EML2: variants seen among roughly 807,000 people sequenced by gnomAD.
The protein encoded by EML2 is EMAP like 2, also known as echinoderm microtubule-associated protein-like 2.
A neutral mutation model predicts 84.7 loss-of-function variants in EML2; 59 were observed. That is an observed-to-expected ratio of 0.70 (90% CI 0.56 to 0.86). EML2 has a LOEUF of 0.86. EML2 is among the 40% of genes least tolerant of loss of function. The pLI, the probability that EML2 is intolerant of heterozygous loss-of-function variation, is 0.00. For synonymous variants in EML2, 352 were observed against 348.9 expected (o/e 1.01, Z -0.10); for missense variants, 818 against 855.6 (o/e 0.96, Z 0.55).
rs754689467 is a variant in EML2 at position 45,619,041 on chromosome 19, C to T, written c.1254+19G>A. 2.5e-6 allele frequency: 4 copies of T among 1,587,158 alleles called. No individual in the cohort carries two copies. The East Asian group carries it at 9.0e-5, about 36-fold the overall frequency. On this transcript the variant is annotated intron_variant, in intron 12 of 18. Transcript: ENST00000245925. ...TAGTTCTGTTAGAATGGTGCTTTTC[C>T]AGTCCCCGGGCCCCTTACCTCGATG...
At chr19:45,618,115 G>A (rs373727619) in intron 12 of EML2, among the ~76,000 whole-genome samples, 92 of 151,990 alleles carry the variant, frequency 6.1e-4, no homozygotes, top group Middle Eastern at 3.4e-3. Flanking sequence ...CCAGGCTGGA[G>A]TGCAGTGGCA....
At chr19:45,637,725 G>A (rs1192182732) in intron 3 of EML2, among the ~76,000 whole-genome samples, 6 of 138,240 alleles carry the variant, frequency 4.3e-5, no homozygotes, top group Non-Finnish European at 9.1e-5. Flanking sequence ...GGCCCAGGCC[G>A]GAAAGCAGTG....
At chr19:45,616,379 G>C (rs562531317) in intron 15 of EML2, 82 bp downstream of exon 15, 1 of 1,043,480 alleles carries the variant, frequency 9.6e-7, no homozygotes, top group Non-Finnish European at 1.4e-6. Context: ...TTGAAGCTGC[G>C]CTCCCTTGAG....
chr19:45,613,533 G>T lies in EML2; in HGVS notation c.1824+8C>A. On this transcript the variant is annotated splice_region_variant and intron_variant, in intron 18 of 18. Coordinates refer to ENST00000245925, the MANE Select transcript of EML2 (RefSeq NM_012155.4). ...CCCCGTCCATCCCCATCTCCCCAAG[G>T]GACTCACTCGAGGCTGACAGCAGGG... 1 of 1,613,640 alleles carries T rather than the reference G, an allele frequency of 6.2e-7. No homozygotes were observed. The highest frequency in any genetic ancestry group is 8.5e-7 in the Non-Finnish European group (1 of 1,179,800).
Position 45,634,362 on chromosome 19 carries a change from T to A in EML2, c.289A>T (p.Arg97Trp). ...TTGTGTCCCAGGTAGTGTCGCTGCC[T>A]CTGCTCCTCCACGCTGTATAGCACG... The part of the protein sequence containing the change: ...VAVLYSVEEQ[R>W]QRHYLGHNDD... Residue 97 changes from arginine (R) to tryptophan (W), a missense_variant, in exon 4 of 19, where the codon AGG becomes TGG. Coordinates refer to ENST00000245925, the MANE Select transcript of EML2 (RefSeq NM_012155.4). The A allele has an allele frequency of 6.2e-7, 1 of 1,613,998 alleles. No homozygotes were observed. The highest frequency in any genetic ancestry group is 8.5e-7 in the Non-Finnish European group (1 of 1,179,954).
chr19:45,627,534 C>T (rs1235644589), intron 7 of EML2, among the ~76,000 whole-genome samples: 2 of 152,182 alleles, frequency 1.3e-5, no homozygotes, highest in Admixed American at 6.5e-5. Context: ...GGATTACAGG[C>T]GTGAGCCACC....
At chr19:45,619,293 C>A in intron 11 of EML2, 102 bp from the exon 12 acceptor site, 1 of 1,428,222 alleles carries the variant, frequency 7.0e-7, no homozygotes, top group East Asian at 2.5e-5. Context: ...GCAACTCACC[C>A]TGCCCCAGCG....
chr19:45,614,747 C>A, intron 16 of EML2, 47 bp from the exon 17 acceptor site: 3 of 1,457,626 alleles, frequency 2.1e-6, no homozygotes, highest in Non-Finnish European at 2.9e-6. Context: ...AAGAACTACC[C>A]AGTAAACCCA....
intron 18 of EML2, 125 bp from the exon 19 acceptor site, chr19:45,609,913 A>C (rs1044948915): frequency 2.6e-6 from 3 of 1,172,454 alleles, no homozygotes; most frequent in African/African-American, 1.6e-5. Flanking sequence ...AATCACTTAG[A>C]GTGAAGTCAC....
chr19:45,634,372 C>T lies in EML2; in HGVS notation c.279G>A (p.Val93=), dbSNP rs1210606232. 2 of 1,613,958 alleles carry T rather than the reference C, an allele frequency of 1.2e-6. No homozygotes were observed. Among genetic ancestry groups the T allele is most frequent in the Non-Finnish European group, 1.7e-6 (2 of 1,179,984 alleles). Reference sequence around the variant, plus strand: ...GGTAGTGTCGCTGCCTCTGCTCCTCCACGCTGTATAGCACGGCTACGGAGG... The same window carrying T: ...GGTAGTGTCGCTGCCTCTGCTCCTCTACGCTGTATAGCACGGCTACGGAGG... ...FVASVAVLYS[V]EEQRQRHYLG... is the part of the protein sequence containing the mutation. The change falls in exon 4 of 19, where the codon GTG becomes GTA. Residue 93 remains valine (V), a synonymous_variant. Transcript: ENST00000245925.
chr19:45,638,779 T>C, intron 2 of EML2, 66 bp downstream of exon 2: 2 of 1,603,870 alleles, frequency 1.2e-6, no homozygotes, highest in Non-Finnish European at 1.7e-6. Flanking sequence ...ACTCCTGACC[T>C]CTGGCTCCAG....
chr19:45,623,215 C>G (rs567452392), intron 9 of EML2, among the ~76,000 whole-genome samples: 1 of 151,740 alleles, frequency 6.6e-6, no homozygotes, highest in Non-Finnish European at 1.5e-5. Flanking sequence ...AAAAATTAGC[C>G]GGGTGTGGTG....
upstream of EML2, chr19:45,643,532 G>A: frequency 5.2e-6 from 8 of 1,535,436 alleles, no homozygotes; most frequent in Non-Finnish European, 7.0e-6. Context: ...GGGAGGGGCG[G>A]AGACCGAAGT....
chr19:45,609,829 GAC>G, intron 18 of EML2, 41 bp from the exon 19 acceptor site: 1 of 1,604,354 alleles, frequency 6.2e-7, no homozygotes, highest in Non-Finnish European at 8.5e-7. Flanking sequence ...TGTCAGTGGG[GAC>G]AATGCCACCC....
At chr19:45,644,417 A>G (rs1974873425), upstream of EML2, among the ~76,000 whole-genome samples, 1 of 152,134 alleles carries the variant, frequency 6.6e-6, no homozygotes, top group Non-Finnish European at 1.5e-5. Flanking sequence ...GTCCCCTGCC[A>G]ATTCCAGTGG....
chr19:45,644,683 TCCCC>T, upstream of EML2: 1 of 455,428 alleles, frequency 2.2e-6, no homozygotes, highest in South Asian at 1.5e-5. Context: ...CCCTCCCAAC[TCCCC>T]TCTTCTCCTA....
chr19:45,642,487 T>C (rs1467850559), upstream of EML2: 3 of 1,435,240 alleles, frequency 2.1e-6, no homozygotes, highest in African/African-American at 1.4e-5. Flanking sequence ...GCTGGGACAC[T>C]TGGACATGAG....
At chr19:45,610,646 T>C (rs1970396078) in intron 18 of EML2, among the ~76,000 whole-genome samples, 1 of 151,944 alleles carries the variant, frequency 6.6e-6, no homozygotes, top group Non-Finnish European at 1.5e-5. Flanking sequence ...GATACCAGCC[T>C]GGCCAACGTG....
chr19:45,623,348 A>C (rs956491534), intron 9 of EML2: 6 of 151,706 alleles, frequency 4.0e-5, no homozygotes, highest in Admixed American at 3.9e-4. Context: ...AGCCTGGGCA[A>C]CATAGCGAGA....
Sources: gnomAD v4.1 joint callset for allele counts (sites outside exome capture counted in the v4.1 genomes callset) on GRCh38, gnomAD v4.1.1 for gene constraint, MANE v1.5 for transcripts, NCBI Gene and HGNC (gene_info 2026-07-23, HGNC 2026-07-21) for gene names.